Variants in GALNT17 observed in about 807,000 individuals in gnomAD.
GALNT17 encodes the protein polypeptide N-acetylgalactosaminyltransferase 17.
In GALNT17, 29 loss-of-function variants were observed where a neutral mutation model predicts 63.7. The ratio of observed to expected loss-of-function variants is 0.46; its 90% confidence interval spans 0.34 to 0.62. The LOEUF (loss-of-function observed/expected upper bound fraction) is 0.62, where lower values mean the gene tolerates loss of function less well. Among genes scored for constraint, GALNT17 ranks in the 20% least tolerant of loss-of-function variants. The probability of loss-of-function intolerance (pLI) is 0.01; values close to 1 mark genes in which losing one functional copy is unlikely to be tolerated. For synonymous variants in GALNT17, 305 were observed against 318.3 expected, an observed-to-expected ratio of 0.96 and a Z score of 0.45; for missense variants, 603 against 799.6, an observed-to-expected ratio of 0.75 and a Z score of 2.97.
At chr7:71,194,996 G>A (rs1789020291) in intron 1 of GALNT17, among the ~76,000 whole-genome samples, 1 of 152,204 alleles carries the variant, frequency 6.6e-6, no homozygotes, top group African/African-American at 2.4e-5. Flanking sequence ...CGTCTGCCTA[G>A]CACCTAGCTT....
chr7:71,138,756 T>C (rs946022857), intron 1 of GALNT17, among the ~76,000 whole-genome samples: 2 of 152,084 alleles, frequency 1.3e-5, no homozygotes, highest in Non-Finnish European at 2.9e-5. Flanking sequence ...GGTGGATCAC[T>C]TGGGCCCAGG....
intron 1 of GALNT17, among the ~76,000 whole-genome samples, chr7:71,136,161 C>T (rs990617152): frequency 5.3e-5 from 8 of 152,166 alleles, no homozygotes; most frequent in Non-Finnish European, 1.2e-4. Flanking sequence ...TGATGCCCTC[C>T]GCCTGCTGCA....
intron 1 of GALNT17, among the ~76,000 whole-genome samples, chr7:71,280,100 A>G (rs138232623): frequency 1.2e-4 from 18 of 152,192 alleles, no homozygotes; most frequent in African/African-American, 4.1e-4. Flanking sequence ...TTTCTGCCCC[A>G]TTGTGAGCTT....
chr7:71,382,391 A>G (rs1792863502), intron 2 of GALNT17, among the ~76,000 whole-genome samples: 1 of 152,164 alleles, frequency 6.6e-6, no homozygotes, highest in African/African-American at 2.4e-5. Context: ...AAAAACACAA[A>G]AACAAAAACA....
chr7:71,171,812 T>C (rs1300865470), intron 1 of GALNT17, among the ~76,000 whole-genome samples: 1 of 152,234 alleles, frequency 6.6e-6, no homozygotes, highest in Non-Finnish European at 1.5e-5. Context: ...ACTTCGGTGA[T>C]CACATTTGTA....
At chr7:71,415,762 G>A (rs553794827) in intron 3 of GALNT17, 127 bp from the exon 4 acceptor site, 1 of 1,084,078 alleles carries the variant, frequency 9.2e-7, no homozygotes, top group East Asian at 2.7e-5. Flanking sequence ...TTTTCTGCCA[G>A]AATTACTAAC....
At chr7:71,455,011 T>A (rs1158197096) in intron 5 of GALNT17, among the ~76,000 whole-genome samples, 1 of 151,600 alleles carries the variant, frequency 6.6e-6, no homozygotes, top group Non-Finnish European at 1.5e-5. Context: ...TACAAAAAAA[T>A]ACAAAAATTA....
intron 6 of GALNT17, among the ~76,000 whole-genome samples, chr7:71,660,852 G>C (rs1280359992): frequency 6.6e-6 from 1 of 152,178 alleles, no homozygotes. Context: ...TCATCACTTA[G>C]AGCCAGCCCA....
intron 6 of GALNT17, among the ~76,000 whole-genome samples, chr7:71,580,333 GAT>G: frequency 6.6e-6 from 1 of 151,860 alleles, no homozygotes; most frequent in Admixed American, 6.6e-5. Flanking sequence ...ATACAAAGAA[GAT>G]AGATATAGAT....
intron 5 of GALNT17, among the ~76,000 whole-genome samples, chr7:71,468,763 GCTACACGGTGCATTTTAGGTT>G (rs1787579836): frequency 6.6e-6 from 1 of 152,128 alleles, no homozygotes; most frequent in Non-Finnish European, 1.5e-5. Context: ...GGTGTCTGGT[GCTACACGGTGCATTTTAGGTT>G]CTCCATCTGG....
At chr7:71,609,029 T>A (rs1790087328) in intron 6 of GALNT17, among the ~76,000 whole-genome samples, 1 of 151,446 alleles carries the variant, frequency 6.6e-6, no homozygotes, top group Admixed American at 6.6e-5. Context: ...GATCCTCCCA[T>A]TACAGCCTCC....
At chr7:71,345,754 C>T (rs1792079575) in intron 2 of GALNT17, among the ~76,000 whole-genome samples, 1 of 152,096 alleles carries the variant, frequency 6.6e-6, no homozygotes, top group Non-Finnish European at 1.5e-5. Context: ...ACTCAAGTTT[C>T]CCTCCGCTGT....
At chr7:71,284,087 A>G (rs73356004) in intron 1 of GALNT17, 5,434 of 152,214 alleles carry the variant, frequency 0.036, 343 homozygotes, top group African/African-American at 0.12. Flanking sequence ...GTGCTGTGGA[A>G]GCTTTGTTTT....
intron 1 of GALNT17, among the ~76,000 whole-genome samples, chr7:71,195,360 C>A (rs1007647784): frequency 2.0e-5 from 3 of 150,390 alleles, no homozygotes; most frequent in Non-Finnish European, 4.4e-5. Context: ...ACCACAGGCA[C>A]GTGCCACCAT....
At chr7:71,581,438 C>T (rs1584067384) in intron 6 of GALNT17, among the ~76,000 whole-genome samples, 2 of 152,124 alleles carry the variant, frequency 1.3e-5, no homozygotes. Flanking sequence ...AGGATTACAG[C>T]TGTGAGCCAC....
At chr7:71,587,374 A>G (rs1283671618) in intron 6 of GALNT17, among the ~76,000 whole-genome samples, 1 of 151,354 alleles carries the variant, frequency 6.6e-6, no homozygotes, top group Non-Finnish European at 1.5e-5. Context: ...GTTTTAATTT[A>G]CTCTTCCTTG....
chr7:71,166,718 G>C (rs1788447399), intron 1 of GALNT17, among the ~76,000 whole-genome samples: 1 of 152,038 alleles, frequency 6.6e-6, no homozygotes, highest in African/African-American at 2.4e-5. Flanking sequence ...ACCACAGTTT[G>C]TTTACCCATT....
intron 2 of GALNT17, among the ~76,000 whole-genome samples, chr7:71,348,498 A>G (rs1792134412): frequency 6.6e-6 from 1 of 152,194 alleles, no homozygotes; most frequent in South Asian, 2.1e-4. Context: ...TTCATGGAGA[A>G]TTTGAAACCA....
chr7:71,174,516 T>C (rs148270976), intron 1 of GALNT17, among the ~76,000 whole-genome samples: 6,983 of 152,216 alleles, frequency 0.046, 512 homozygotes, highest in African/African-American at 0.16. Context: ...GTTTATTTCA[T>C]CTGGGTGCAG....
Sources: gnomAD v4.1 joint callset for allele counts (sites outside exome capture counted in the v4.1 genomes callset) on GRCh38, gnomAD v4.1.1 for gene constraint, MANE v1.5 for transcripts, NCBI Gene and HGNC (gene_info 2026-07-23, HGNC 2026-07-21) for gene names.